The following SEMA3C variants were observed in gnomAD, a reference collection of about 807,000 sequenced individuals.
SEMA3C encodes semaphorin-3C.
SEMA3C carries 47 observed loss-of-function variants against 89.4 expected under a neutral mutation model. The observed-to-expected ratio is 0.53, with a 90% CI of 0.42 to 0.67. SEMA3C has a LOEUF of 0.67. Among genes scored for constraint, SEMA3C ranks in the 30% least tolerant of loss-of-function variants. The probability of loss-of-function intolerance (pLI) is 0.00; values close to 1 mark genes in which losing one functional copy is unlikely to be tolerated. For synonymous variants in SEMA3C, 310 were observed against 320.2 expected (o/e 0.97, Z 0.34); for missense variants, 839 against 929.1 (o/e 0.90, Z 1.26).
At chr7:80,820,769 G>C (rs1178083752) in intron 4 of SEMA3C, among the ~76,000 whole-genome samples, 2 of 152,132 alleles carry the variant, frequency 1.3e-5, no homozygotes, top group Non-Finnish European at 2.9e-5. Context: ...ACACAGATGA[G>C]ATATGTGTGT....
chr7:80,828,768 T>G (rs1312687881), intron 2 of SEMA3C, 23 bp from the exon 3 acceptor site: 2 of 1,557,546 alleles, frequency 1.3e-6, no homozygotes, highest in Admixed American at 3.6e-5. Context: ...ACAGCACAAG[T>G]GTAGATACAG....
chr7:80,856,326 C>T (rs1318038749), intron 2 of SEMA3C, among the ~76,000 whole-genome samples: 5 of 151,606 alleles, frequency 3.3e-5, no homozygotes, highest in Non-Finnish European at 5.9e-5. Flanking sequence ...AAACCACGTC[C>T]ACTTCTTATA....
At chr7:80,878,879 G>GA (rs894067324) in intron 2 of SEMA3C, among the ~76,000 whole-genome samples, 11 of 151,558 alleles carry the variant, frequency 7.3e-5, no homozygotes, top group African/African-American at 2.4e-4. Flanking sequence ...AAAAATATTA[G>GA]AAAAAAAAGT....
At chr7:80,885,063 C>G (rs976528833) in intron 2 of SEMA3C, among the ~76,000 whole-genome samples, 1 of 152,078 alleles carries the variant, frequency 6.6e-6, no homozygotes, top group African/African-American at 2.4e-5. Flanking sequence ...ATAAGATTAT[C>G]GTTTTGTGAT....
At chr7:80,902,897 T>C (rs973164298) in intron 2 of SEMA3C, among the ~76,000 whole-genome samples, 25 of 152,146 alleles carry the variant, frequency 1.6e-4, no homozygotes, top group African/African-American at 5.6e-4. Flanking sequence ...AGCAGGATTA[T>C]AGTACAAAGG....
chr7:80,812,034 T>A (rs939842278), intron 5 of SEMA3C, among the ~76,000 whole-genome samples: 4 of 152,176 alleles, frequency 2.6e-5, no homozygotes, highest in Non-Finnish European at 2.9e-5. Flanking sequence ...TTGTAAAAGG[T>A]AACCTAAAAA....
At chr7:80,800,910 A>G in intron 9 of SEMA3C, 84 bp from the exon 10 acceptor site, 1 of 828,106 alleles carries the variant, frequency 1.2e-6, no homozygotes, top group Non-Finnish European at 1.9e-6. Flanking sequence ...AATAATTTCA[A>G]CTCTGAAAAG....
Position 80,754,966 on chromosome 7 carries a change from T to TTTGTTTTTTTTTGTTTTTTTTG in SEMA3C, c.1643+3364_1643+3365insCAAAAAAAACAAAAAAAAACAA, listed in dbSNP as rs369121267. On this transcript the variant is annotated intron_variant, in intron 15 of 17. Transcript: ENST00000265361. ...CGAATTGTTTTTTTTTGTTTTTTTT[T>TTTGTTTTTTTTTGTTTTTTTTG]TTTTTGTATTTTTAGTAGAGATGGG... 1.5e-4 allele frequency among the ~76,000 whole-genome samples: 21 copies of TTTGTTTTTTTTTGTTTTTTTTG among 139,092 alleles called. 1 individual carries two copies. The highest frequency in any genetic ancestry group is 4.4e-4 in the African/African-American group (17 of 38,326). The allele number at this position is 139,092 out of a possible 152,430, so 91.2% of individuals were successfully genotyped here.
intron 2 of SEMA3C, among the ~76,000 whole-genome samples, chr7:80,863,955 C>CATATATAAT: frequency 2.1e-5 from 3 of 139,664 alleles, no homozygotes; most frequent in Non-Finnish European, 3.1e-5. Flanking sequence ...ATGTATATCA[C>CATATATAAT]ATGTATATCA....
chr7:80,813,044 T>C (rs1789508316), intron 5 of SEMA3C, among the ~76,000 whole-genome samples: 2 of 150,808 alleles, frequency 1.3e-5, no homozygotes, highest in South Asian at 4.2e-4. Flanking sequence ...TGGGCTCAAG[T>C]GATCTGCCCG....
chr7:80,749,141 A>G, intron 16 of SEMA3C, 113 bp from the exon 17 acceptor site: 1 of 1,117,958 alleles, frequency 8.9e-7, no homozygotes, highest in Non-Finnish European at 1.2e-6. Flanking sequence ...AATTGTGAAC[A>G]ACTATCGCAG....
chr7:80,798,032 T>C, intron 11 of SEMA3C, 60 bp downstream of exon 11: 5 of 1,494,094 alleles, frequency 3.3e-6, no homozygotes, highest in Non-Finnish European at 4.5e-6. Flanking sequence ...CAGATATTCA[T>C]TACCTGTTAA....
chr7:80,746,296 T>C (rs941517516), intron 17 of SEMA3C, among the ~76,000 whole-genome samples: 18 of 152,088 alleles, frequency 1.2e-4, no homozygotes, highest in African/African-American at 4.1e-4. Flanking sequence ...AAGGCAAGTA[T>C]AGTATTAAAA....
intron 7 of SEMA3C, 128 bp downstream of exon 7, chr7:80,805,511 G>A: frequency 2.9e-6 from 2 of 679,712 alleles, no homozygotes; most frequent in Non-Finnish European, 4.6e-6. Context: ...ATAGGGTACA[G>A]AATTACCATT....
chr7:80,823,719 G>GTA (rs1789807031), intron 4 of SEMA3C, among the ~76,000 whole-genome samples: 3 of 151,940 alleles, frequency 2.0e-5, no homozygotes, highest in African/African-American at 4.8e-5. Flanking sequence ...TGCATGTAAT[G>GTA]TATATATATC....
intron 2 of SEMA3C, among the ~76,000 whole-genome samples, chr7:80,915,301 AG>A (rs1792243291): frequency 6.6e-6 from 1 of 152,170 alleles, no homozygotes; most frequent in Non-Finnish European, 1.5e-5. Flanking sequence ...ATGGGTTTTA[AG>A]GGGAAATGCC....
At chr7:80,749,357 TCAGCTTTTCA>T (rs1787873697) in intron 16 of SEMA3C, among the ~76,000 whole-genome samples, 3 of 152,154 alleles carry the variant, frequency 2.0e-5, no homozygotes, top group Admixed American at 2.0e-4. Context: ...CCACATTTTC[TCAGCTTTTCA>T]CAGCTGAGCA....
Position 80,789,530 on chromosome 7 carries a change from T to C in SEMA3C, c.1132-2A>G. 1.3e-6 allele frequency: 2 copies of C among 1,579,610 alleles called. No individual in the cohort carries two copies. Among genetic ancestry groups the C allele is most frequent in the Non-Finnish European group, 1.7e-6 (2 of 1,163,528 alleles). On this transcript the variant is annotated splice_acceptor_variant, in intron 11 of 17. Coordinates refer to ENST00000265361, the MANE Select transcript of SEMA3C (RefSeq NM_006379.5). LOFTEE classifies it high-confidence loss of function. ...GGGTGTAAATGCTCCTCCTGGACAC[T>C]AGAAAGAAAGTTTTAAAGAACCAAG...
At chr7:80,852,971 C>G (rs1183483841) in intron 2 of SEMA3C, among the ~76,000 whole-genome samples, 1 of 152,048 alleles carries the variant, frequency 6.6e-6, no homozygotes, top group Admixed American at 6.6e-5. Context: ...AGCCACCGTG[C>G]CTGGACTGAA....
Sources: allele counts gnomAD v4.1 joint callset (sites outside exome capture counted in the v4.1 genomes callset), GRCh38; gene constraint gnomAD v4.1.1; transcripts MANE v1.5; gene names NCBI Gene and HGNC (gene_info 2026-07-23, HGNC 2026-07-21).